CNTN1: variants seen among roughly 807,000 people sequenced by gnomAD.
CNTN1 encodes contactin 1.
A neutral mutation model predicts 126.4 loss-of-function variants in CNTN1; 38 were observed. The observed-to-expected ratio is 0.30, with a 90% CI of 0.23 to 0.39. CNTN1 has a LOEUF of 0.39. CNTN1 is among the 10% of genes least tolerant of loss of function. The probability of loss-of-function intolerance (pLI) is 1.00; values close to 1 mark genes in which losing one functional copy is unlikely to be tolerated. For synonymous variants in CNTN1, 413 were observed against 422.6 expected (o/e 0.98, Z 0.28); for missense variants, 1,009 against 1,248.4 (o/e 0.81, Z 2.89).
intron 1 of CNTN1, among the ~76,000 whole-genome samples, chr12:40,696,115 T>C (rs868388502): frequency 6.6e-6 from 1 of 152,232 alleles, no homozygotes. Context: ...AAATAAGGTT[T>C]GGCCCATGGT....
chr12:40,956,014 G>A (rs1258934659), intron 14 of CNTN1, among the ~76,000 whole-genome samples: 1 of 152,058 alleles, frequency 6.6e-6, no homozygotes, highest in Non-Finnish European at 1.5e-5. Flanking sequence ...GAAGGTGTGT[G>A]TACTTCACTC....
chr12:41,072,335 G>C lies in CNTN1; in HGVS notation c.*2300G>C, dbSNP rs935222922. 1 of 152,144 alleles carries C rather than the reference G, an allele frequency of 6.6e-6. No individual in the cohort carries two copies. The highest frequency in any genetic ancestry group is 6.5e-5 in the Admixed American group (1 of 15,278). 9.4% of individuals were successfully genotyped at this position (152,144 alleles called of 1,614,324 possible). ...TTTTTATCATTTTTTCAATGGAGTA[G>C]TATAGGACTGTGCTTTGTCCTTTTT... On this transcript the variant is annotated 3_prime_UTR_variant, in exon 24 of 24. Coordinates refer to ENST00000551295, the MANE Select transcript of CNTN1 (RefSeq NM_001843.4).
chr12:40,986,702 T>G (rs1484006516), intron 16 of CNTN1, among the ~76,000 whole-genome samples: 1 of 152,136 alleles, frequency 6.6e-6, no homozygotes, highest in African/African-American at 2.4e-5. Flanking sequence ...AGCAGATCTC[T>G]CTCAGCACTC....
intron 1 of CNTN1, among the ~76,000 whole-genome samples, chr12:40,843,031 A>G (rs993138924): frequency 2.0e-5 from 3 of 152,160 alleles, no homozygotes; most frequent in Non-Finnish European, 2.9e-5. Context: ...AGCTGGACCT[A>G]AAGTATACCT....
chr12:40,802,344 T>C (rs1156257359), intron 1 of CNTN1, among the ~76,000 whole-genome samples: 2 of 151,888 alleles, frequency 1.3e-5, no homozygotes, highest in Non-Finnish European at 2.9e-5. Flanking sequence ...CACCCAGGTG[T>C]AAATATTAAG....
intron 1 of CNTN1, among the ~76,000 whole-genome samples, chr12:40,755,735 C>T (rs1938584997): frequency 1.3e-5 from 2 of 151,732 alleles, no homozygotes; most frequent in Non-Finnish European, 2.9e-5. Context: ...GGGGAGACTT[C>T]CTGGAGTGAT....
At chr12:40,822,364 A>T (rs1420136310) in intron 1 of CNTN1, among the ~76,000 whole-genome samples, 5 of 151,744 alleles carry the variant, frequency 3.3e-5, no homozygotes, top group African/African-American at 1.2e-4. Context: ...CATGTTGGCC[A>T]GGCTGGTCTC....
chr12:40,806,231 A>G (rs1291428375), intron 1 of CNTN1, among the ~76,000 whole-genome samples: 1 of 152,078 alleles, frequency 6.6e-6, no homozygotes, highest in African/African-American at 2.4e-5. Context: ...CATGAAGGCC[A>G]AGCTACCTTA....
At chr12:40,819,737 C>T (rs1941384907) in intron 1 of CNTN1, among the ~76,000 whole-genome samples, 1 of 152,190 alleles carries the variant, frequency 6.6e-6, no homozygotes, top group African/African-American at 2.4e-5. Flanking sequence ...AAGCAGATTC[C>T]AGCTGAGAGG....
chr12:40,956,577 G>A (rs11832221), intron 14 of CNTN1, among the ~76,000 whole-genome samples: 2,649 of 152,100 alleles, frequency 0.017, 72 homozygotes, highest in African/African-American at 0.059. Context: ...ACAAGACAAT[G>A]TGATGAACCA....
chr12:41,032,367 C>CAAA, intron 23 of CNTN1, among the ~76,000 whole-genome samples: 1 of 78,340 alleles, frequency 1.3e-5, no homozygotes, highest in Admixed American at 1.4e-4. Flanking sequence ...GACTCCGTCT[C>CAAA]AAAAAAAAAA....
chr12:40,775,834 A>G (rs1297088436), intron 1 of CNTN1, among the ~76,000 whole-genome samples: 1 of 151,666 alleles, frequency 6.6e-6, no homozygotes, highest in Non-Finnish European at 1.5e-5. Context: ...GCGGGGTAAC[A>G]TTGCCAAAAA....
At chr12:40,844,069 A>ATTTTTTGTTTTTTTTTTTTTTTTTTT (rs1942397719) in intron 1 of CNTN1, among the ~76,000 whole-genome samples, 1 of 84,684 alleles carries the variant, frequency 1.2e-5, no homozygotes. Context: ...TGGCACAATG[A>ATTTTTTGTTTTTTTTTTTTTTTTTTT]TTTTTTTTTT....
At chr12:40,816,936 C>A (rs571931818) in intron 1 of CNTN1, among the ~76,000 whole-genome samples, 4 of 152,094 alleles carry the variant, frequency 2.6e-5, no homozygotes, top group Non-Finnish European at 5.9e-5. Context: ...GGTTGTTCAA[C>A]TCCCATGAAA....
intron 23 of CNTN1, among the ~76,000 whole-genome samples, chr12:41,045,035 G>A (rs1216640494): frequency 2.0e-5 from 3 of 151,808 alleles, no homozygotes; most frequent in Admixed American, 1.3e-4. Flanking sequence ...TTAATTATTG[G>A]TAAGCCTAAT....
At chr12:40,890,152 C>T (rs1396707156) in intron 1 of CNTN1, among the ~76,000 whole-genome samples, 1 of 152,212 alleles carries the variant, frequency 6.6e-6, no homozygotes, top group Non-Finnish European at 1.5e-5. Flanking sequence ...TGACTCCCCA[C>T]TGTACTTTAT....
intron 1 of CNTN1, among the ~76,000 whole-genome samples, chr12:40,824,028 C>A (rs1374720197): frequency 6.6e-6 from 1 of 152,078 alleles, no homozygotes; most frequent in African/African-American, 2.4e-5. Context: ...TCCCTTGCCC[C>A]TGCTTATGGC....
chr12:40,841,089 C>T (rs986020976), intron 1 of CNTN1, among the ~76,000 whole-genome samples: 3 of 151,574 alleles, frequency 2.0e-5, no homozygotes, highest in East Asian at 1.9e-4. Flanking sequence ...CCTAAATAAA[C>T]AAACTAAGAA....
intron 15 of CNTN1, among the ~76,000 whole-genome samples, chr12:40,962,131 G>A (rs1303849135): frequency 6.6e-6 from 1 of 152,034 alleles, no homozygotes; most frequent in East Asian, 1.9e-4. Flanking sequence ...TATCAGAGAA[G>A]ACTGAAACAA....
Sources: gnomAD v4.1 joint callset for allele counts (sites outside exome capture counted in the v4.1 genomes callset) on GRCh38, gnomAD v4.1.1 for gene constraint, MANE v1.5 for transcripts, NCBI Gene and HGNC (gene_info 2026-07-23, HGNC 2026-07-21) for gene names.